Variants in USP42 observed in about 807,000 individuals in gnomAD.
The protein encoded by USP42 is ubiquitin carboxyl-terminal hydrolase 42.
In USP42, 23 loss-of-function variants were observed where a neutral mutation model predicts 113.0. That is an observed-to-expected ratio of 0.20 (90% CI 0.15 to 0.29). The LOEUF is 0.29. Ranked by LOEUF, USP42 falls within the 10% of genes least tolerant of loss-of-function variation. USP42 has a pLI of 1.00. For missense variants in USP42, 2,174 were observed against 1,779.8 expected (o/e 1.22, Z -3.99); for synonymous variants, 933 against 699.0 (o/e 1.33, Z -5.28).
chr7:6,125,598 G>T (rs1054687223), intron 3 of USP42, among the ~76,000 whole-genome samples: 1 of 152,092 alleles, frequency 6.6e-6, no homozygotes, highest in African/African-American at 2.4e-5. Context: ...ATGCGTTGTT[G>T]TATTATTTTT....
chr7:6,146,005 G>A, intron 10 of USP42, 143 bp from the exon 11 acceptor site: 1 of 692,176 alleles, frequency 1.4e-6, no homozygotes, highest in South Asian at 1.8e-5. Flanking sequence ...AGGAGGTGGA[G>A]ATTGCAAGAT....
intron 3 of USP42, among the ~76,000 whole-genome samples, chr7:6,130,548 T>C (rs1486062780): frequency 6.6e-6 from 1 of 152,128 alleles, no homozygotes; most frequent in Admixed American, 6.6e-5. Flanking sequence ...GGACAGGGTT[T>C]GTTCATCCAG....
In USP42 at chr7:6,150,085, C is replaced by T. The variant is rs201261995; in HGVS notation, c.1889C>T (p.Thr630Met). Reference sequence around the variant, plus strand: ...CTGGGCAAGGAGAATGGGATTGGTACGATTGTGAGCTCCCACTCTCCCGGC... The same window carrying T: ...CTGGGCAAGGAGAATGGGATTGGTATGATTGTGAGCTCCCACTCTCCCGGC... ...KGLGKENGIGTIVSSHSPGQD... is the reference protein window; with the variant it reads ...KGLGKENGIGMIVSSHSPGQD... Residue 630 changes from threonine (T) to methionine (M), a missense_variant, in exon 13 of 18, where the codon ACG (threonine) becomes ATG (methionine). By Grantham distance (81) the Thr-to-Met change is moderately conservative. Transcript: ENST00000306177. The T allele has an allele frequency of 5.8e-5, 94 of 1,609,664 alleles. No individual in the cohort carries two copies. The highest frequency in any genetic ancestry group is 2.5e-4 in the African/African-American group (19 of 74,964).
rs1782627947 is a variant in USP42, at chr7:6,159,130, T to A, written c.3944-320T>A. On this transcript the variant is annotated intron_variant, in intron 16 of 17. Transcript: ENST00000306177. This position sits in a 1 kb window ranked among gnomAD's most constrained non-coding sequence, Gnocchi z 4.1. ...CCCCTCTACCCTGGACTTCGGCCCCTTGTCTTTCTCTTTCAAACTCCTCCT... is the reference window on the plus strand; with the variant it reads ...CCCCTCTACCCTGGACTTCGGCCCCATGTCTTTCTCTTTCAAACTCCTCCT... 6.6e-6 allele frequency among the ~76,000 whole-genome samples: 1 copy of A among 152,130 alleles called. No individual in the cohort carries two copies. Among genetic ancestry groups the A allele is most frequent in the African/African-American group, 2.4e-5 (1 of 41,442 alleles).
upstream of USP42, among the ~76,000 whole-genome samples, chr7:6,101,651 G>A (rs1400056919): frequency 2.0e-5 from 3 of 151,104 alleles, no homozygotes; most frequent in Non-Finnish European, 4.4e-5. Flanking sequence ...AGTGGTGCTA[G>A]CTCCTTAGAG....
chr7:6,137,668 G>A (rs1358176773), intron 4 of USP42, among the ~76,000 whole-genome samples: 1 of 151,620 alleles, frequency 6.6e-6, no homozygotes, highest in African/African-American at 2.4e-5. Flanking sequence ...ATTTATACAT[G>A]TATTTATTTG....
At chr7:6,141,491 C>T (rs760560585) in intron 7 of USP42, among the ~76,000 whole-genome samples, 29 of 151,878 alleles carry the variant, frequency 1.9e-4, no homozygotes, top group Non-Finnish European at 3.7e-4. Flanking sequence ...CCACCGCGCC[C>T]GGCCTGAATT....
rs976603327 is a variant in USP42 at position 6,111,177 on chromosome 7, C to G, written c.44C>G (p.Ala15Gly). ...DKASESSDPSAYQNQPGSSEA... is the reference protein window; with the variant it reads ...DKASESSDPSGYQNQPGSSEA... ...GCTTCTGAATCTTCAGACCCATCAGCCTATCAGAATCAGCCTGGCAGCTCC... is the reference window on the plus strand; with the variant it reads ...GCTTCTGAATCTTCAGACCCATCAGGCTATCAGAATCAGCCTGGCAGCTCC... Residue 15 changes from alanine (A) to glycine (G), a missense_variant, in exon 2 of 18, where the codon GCC becomes GGC. Coordinates refer to ENST00000306177, the MANE Select transcript of USP42 (RefSeq NM_032172.3). 6.2e-7 allele frequency: 1 copy of G among 1,613,084 alleles called. No homozygotes were observed. The highest frequency in any genetic ancestry group is 1.3e-5 in the African/African-American group (1 of 74,906).
intron 3 of USP42, among the ~76,000 whole-genome samples, chr7:6,122,658 A>G (rs1480135350): frequency 6.6e-6 from 1 of 150,854 alleles, no homozygotes. Flanking sequence ...TTTAGTAGAG[A>G]TGGGGTTTCA....
At chr7:6,155,749 A>G (rs1376792150) in intron 15 of USP42, among the ~76,000 whole-genome samples, 2 of 151,908 alleles carry the variant, frequency 1.3e-5, no homozygotes, top group Non-Finnish European at 2.9e-5. Context: ...CAATTGGGAA[A>G]TTTGCTTCTG....
intron 3 of USP42, among the ~76,000 whole-genome samples, chr7:6,120,549 C>G (rs894246592): frequency 4.0e-5 from 6 of 150,764 alleles, no homozygotes; most frequent in Admixed American, 3.3e-4. Context: ...AGCCTCTTGC[C>G]TCAGCCTTTC....
chr7:6,154,433 C>T lies in USP42; in HGVS notation c.2879C>T (p.Ser960Leu), dbSNP rs368525201. ...CACTACCGCAGCCGGAGAGAGCGCTCGTCCAGCGGGGAGCCCGCCAGAGAG... is the reference window on the plus strand; with the variant it reads ...CACTACCGCAGCCGGAGAGAGCGCTTGTCCAGCGGGGAGCCCGCCAGAGAG... Reference protein sequence around the residue: ...RGHYRSRRERSSSGEPARESR... With the variant: ...RGHYRSRRERLSSGEPARESR... The change falls in exon 15 of 18, where the codon TCG becomes TTG. Residue 960 changes from serine to leucine, a missense_variant. By Grantham distance (145) the Ser-to-Leu change is moderately radical. Transcript: ENST00000306177. 46 of 1,571,594 alleles carry T rather than the reference C, an allele frequency of 2.9e-5. No homozygotes were observed. Among genetic ancestry groups the T allele is most frequent in the Admixed American group, 1.7e-4 (9 of 53,792 alleles).
chr7:6,110,353 A>T (rs1779532404), intron 1 of USP42, among the ~76,000 whole-genome samples: 1 of 152,176 alleles, frequency 6.6e-6, no homozygotes, highest in Non-Finnish European at 1.5e-5. Flanking sequence ...TCTTTATAAA[A>T]ATTAAGTTAA....
At chr7:6,087,633 G>A in the USP42 span, among the ~76,000 whole-genome samples, 7 of 150,996 alleles carry the variant, frequency 4.6e-5, no homozygotes, top group South Asian at 2.1e-4. Flanking sequence ...TCCCTGCCCC[G>A]CCTCACACTT....
At chr7:6,091,968 G>A in the USP42 span, among the ~76,000 whole-genome samples, 3 of 129,650 alleles carry the variant, frequency 2.3e-5, no homozygotes, top group Non-Finnish European at 5.1e-5. Context: ...TAGTCCTCAA[G>A]GACGTATTTT....
intron 14 of USP42, among the ~76,000 whole-genome samples, chr7:6,153,509 A>T (rs1782193776): frequency 6.6e-6 from 1 of 152,210 alleles, no homozygotes. Flanking sequence ...GGCGAGATGT[A>T]TTTAAAGAGA....
At chr7:6,131,870 C>G (rs1201636133) in intron 3 of USP42, among the ~76,000 whole-genome samples, 3 of 152,158 alleles carry the variant, frequency 2.0e-5, no homozygotes, top group Non-Finnish European at 4.4e-5. Flanking sequence ...ATTCCGTCTC[C>G]CAGAAGTGCA....
Position 6,115,505 on chromosome 7 carries a change from C to A in USP42, c.424C>A (p.His142Asn), listed in dbSNP as rs1352386655. 1.9e-6 allele frequency: 3 copies of A among 1,613,938 alleles called. No individual in the cohort carries two copies. Among genetic ancestry groups the A allele is most frequent in the South Asian group, 2.2e-5 (2 of 91,088 alleles). ...ACCTCTTGCCAATTACATGCTATCA[C>A]ATGAACACTCCAAAACATGTAAGTG... The part of the protein sequence containing the change: ...TPPLANYMLS[H>N]EHSKTCHAEG... The change falls in exon 3 of 18, where the codon CAT (histidine) becomes AAT (asparagine). Residue 142 changes from histidine to asparagine, a missense_variant. His to Asn is a moderately conservative substitution (Grantham distance 68). Transcript: ENST00000306177.
the USP42 span, among the ~76,000 whole-genome samples, chr7:6,091,203 ACTTTTCTTTTCTCTTCTCTTCT>A: frequency 6.6e-6 from 1 of 150,870 alleles, no homozygotes. Context: ...AACTTTACAC[ACTTTTCTTTTCTCTTCTCTTCT>A]CTTTTCTTTT....
Sources: allele counts gnomAD v4.1 joint callset (sites outside exome capture counted in the v4.1 genomes callset), GRCh38; gene constraint gnomAD v4.1.1; non-coding constraint Gnocchi (gnomAD v3.1); transcripts MANE v1.5; gene names NCBI Gene and HGNC (gene_info 2026-07-23, HGNC 2026-07-21).